Variants in STK32B observed in about 807,000 individuals in gnomAD.
STK32B encodes the protein serine/threonine-protein kinase 32B.
In STK32B, 43 loss-of-function variants were observed where a neutral mutation model predicts 52.6. That is an observed-to-expected ratio of 0.82 (90% CI 0.64 to 1.05). STK32B has a LOEUF of 1.05. Among genes scored for constraint, STK32B ranks in the 50% least tolerant of loss-of-function variants. STK32B has a pLI of 0.00. For missense variants in STK32B, 621 were observed against 534.6 expected (o/e 1.16, Z -1.59); for synonymous variants, 238 against 204.3 (o/e 1.17, Z -1.41).
At chr4:5,072,951 T>G (rs1198757456) in intron 1 of STK32B, among the ~76,000 whole-genome samples, 1 of 152,178 alleles carries the variant, frequency 6.6e-6, no homozygotes, top group Non-Finnish European at 1.5e-5. Context: ...TTTATCATTA[T>G]AAAGTATTCT....
chr4:5,169,897 AT>A (rs113300939), intron 3 of STK32B, among the ~76,000 whole-genome samples: 14 of 151,918 alleles, frequency 9.2e-5, no homozygotes, highest in Non-Finnish European at 1.5e-4. Context: ...CTTTTCTTGT[AT>A]TTTTTTTCAT....
intron 5 of STK32B, among the ~76,000 whole-genome samples, chr4:5,414,111 G>C (rs1424690082): frequency 1.3e-5 from 2 of 152,120 alleles, no homozygotes; most frequent in Non-Finnish European, 2.9e-5. Flanking sequence ...CTGAATAAAT[G>C]ATACATTGTA....
At chr4:5,339,109 G>C (rs963821653) in intron 4 of STK32B, among the ~76,000 whole-genome samples, 3 of 152,132 alleles carry the variant, frequency 2.0e-5, no homozygotes, top group African/African-American at 7.2e-5. Flanking sequence ...CACTGCTCCA[G>C]GTTTTTGGGC....
At chr4:5,335,402 G>A (rs919257355) in intron 4 of STK32B, among the ~76,000 whole-genome samples, 15 of 151,798 alleles carry the variant, frequency 9.9e-5, no homozygotes, top group African/African-American at 3.1e-4. Context: ...CGGTCTATCA[G>A]TTTTGTTGAT....
intron 5 of STK32B, among the ~76,000 whole-genome samples, chr4:5,406,878 T>C (rs1429337396): frequency 1.3e-5 from 2 of 152,166 alleles, no homozygotes; most frequent in African/African-American, 4.8e-5. Context: ...GTCTTGGCTG[T>C]TAACATTCAG....
At chr4:5,188,971 C>T (rs540476421) in intron 3 of STK32B, among the ~76,000 whole-genome samples, 2 of 151,722 alleles carry the variant, frequency 1.3e-5, no homozygotes, top group Admixed American at 6.6e-5. Context: ...ATGTAACAAA[C>T]CTGCACGTTG....
At position 5,398,148 on chromosome 4, in the gene STK32B, T is replaced by C; in HGVS notation, c.435-59T>C. 6.2e-7 allele frequency: 1 copy of C among 1,600,184 alleles called. No individual in the cohort carries two copies. Among genetic ancestry groups the C allele is most frequent in the Non-Finnish European group, 8.5e-7 (1 of 1,170,362 alleles). On this transcript the variant is annotated intron_variant, in intron 4 of 11. Transcript: ENST00000282908. This position sits in a 1 kb window ranked among gnomAD's most constrained non-coding sequence, Gnocchi z 4.9. The stretch of plus-strand genomic sequence containing the variant: ...CATTTGTCCTGATGTGGTGCTTGTC[T>C]ATGTGCTCATCTGTGGGCTCAGGAA...
the STK32B span, among the ~76,000 whole-genome samples, chr4:5,039,742 A>G: frequency 6.6e-6 from 1 of 152,198 alleles, no homozygotes; most frequent in African/African-American, 2.4e-5. Flanking sequence ...ACCACTGCAA[A>G]CACGTGAGGA....
Position 5,457,437 on chromosome 4 carries a change from A to G in STK32B, c.783+514A>G, listed in dbSNP as rs555860447. ...TCACCATGTTAGCCAGGATGGTCTC[A>G]ATCTCCTGACCTTGTGATCCGCCAG... On this transcript the variant is annotated intron_variant, in intron 8 of 11. Coordinates refer to ENST00000282908, the MANE Select transcript of STK32B (RefSeq NM_018401.3). 8.2e-3 allele frequency among the ~76,000 whole-genome samples: 1,229 copies of G among 150,716 alleles called. 24 individuals are homozygous for G. Among genetic ancestry groups the G allele is most frequent in the African/African-American group, 0.028 (1,150 of 41,166 alleles).
chr4:5,499,047 C>G lies in STK32B; in HGVS notation c.1209C>G (p.Leu403=). The stretch of plus-strand genomic sequence containing the variant: ...TCCAGGACGGGTGCAACAACAACCT[C>G]CTCACCCACACCTGCACCCGTGGCT... The part of the protein sequence containing the change: ...SKLQDGCNNN[L]LTHTCTRGCS... The change falls in exon 12 of 12, where the codon CTC becomes CTG. Residue 403 remains leucine (L), a synonymous_variant. Coordinates refer to ENST00000282908, the MANE Select transcript of STK32B (RefSeq NM_018401.3). 6.2e-7 allele frequency: 1 copy of G among 1,613,762 alleles called. No homozygotes were observed.
At chr4:5,495,389 TC>T (rs1170656014) in intron 11 of STK32B, among the ~76,000 whole-genome samples, 1 of 152,224 alleles carries the variant, frequency 6.6e-6, no homozygotes, top group East Asian at 1.9e-4. Flanking sequence ...GCTTCTGCAT[TC>T]TTCATGTAGT....
intron 3 of STK32B, among the ~76,000 whole-genome samples, chr4:5,181,414 C>T (rs1034589690): frequency 2.6e-5 from 4 of 151,216 alleles, no homozygotes; most frequent in Non-Finnish European, 4.4e-5. Flanking sequence ...CTGCTGGCAC[C>T]CTGAGTTCAG....
chr4:5,063,208 GC>G (rs1742283890), intron 1 of STK32B, among the ~76,000 whole-genome samples: 1 of 152,080 alleles, frequency 6.6e-6, no homozygotes, highest in Non-Finnish European at 1.5e-5. Context: ...TTACACTCTG[GC>G]AAGCCATGTG....
intron 11 of STK32B, among the ~76,000 whole-genome samples, chr4:5,482,869 G>T (rs1212306141): frequency 6.6e-6 from 1 of 152,142 alleles, no homozygotes; most frequent in Non-Finnish European, 1.5e-5. Flanking sequence ...CTTTGGTTCT[G>T]TTTATATGCT....
At chr4:5,163,540 G>C (rs1718616801) in intron 2 of STK32B, among the ~76,000 whole-genome samples, 1 of 9,490 alleles carries the variant, frequency 1.1e-4, no homozygotes, top group South Asian at 4.7e-3. Context: ...AGTGAAGGCT[G>C]TGTGTGTGTG....
At chr4:5,088,831 A>G (rs1388046456) in intron 1 of STK32B, among the ~76,000 whole-genome samples, 1 of 151,976 alleles carries the variant, frequency 6.6e-6, no homozygotes, top group Non-Finnish European at 1.5e-5. Flanking sequence ...GAATGTTTAC[A>G]TTAAAAAGAC....
chr4:5,340,862 C>T (rs866433685), intron 4 of STK32B, among the ~76,000 whole-genome samples: 15 of 152,158 alleles, frequency 9.9e-5, no homozygotes, highest in African/African-American at 3.6e-4. Context: ...AATAGACACA[C>T]TCACATACAT....
intron 11 of STK32B, among the ~76,000 whole-genome samples, chr4:5,481,782 C>T (rs1213808463): frequency 6.6e-6 from 1 of 152,130 alleles, no homozygotes. Context: ...GGAAGGGATC[C>T]AGTTTCGGCT....
chr4:5,358,024 A>G (rs2108994473), intron 4 of STK32B, among the ~76,000 whole-genome samples: 1 of 152,292 alleles, frequency 6.6e-6, no homozygotes, highest in South Asian at 2.1e-4. Context: ...TTAAGGCACA[A>G]CTTAGTCATT....
Sources: gnomAD v4.1 joint callset for allele counts (sites outside exome capture counted in the v4.1 genomes callset) on GRCh38, gnomAD v4.1.1 for gene constraint, Gnocchi (gnomAD v3.1) non-coding constraint, MANE v1.5 for transcripts, NCBI Gene and HGNC (gene_info 2026-07-23, HGNC 2026-07-21) for gene names.